The following AADAT variants were observed in gnomAD, a reference collection of about 807,000 sequenced individuals.
The protein encoded by AADAT is kynurenine/alpha-aminoadipate aminotransferase, mitochondrial.
A neutral mutation model predicts 56.2 loss-of-function variants in AADAT; 25 were observed. The ratio of observed to expected loss-of-function variants is 0.44; its 90% confidence interval spans 0.32 to 0.62. The LOEUF (loss-of-function observed/expected upper bound fraction) is 0.62, where lower values mean the gene tolerates loss of function less well. Ranked by LOEUF, AADAT falls within the 20% of genes least tolerant of loss-of-function variation. The probability of loss-of-function intolerance (pLI) is 0.04; values close to 1 mark genes in which losing one functional copy is unlikely to be tolerated. For synonymous variants in AADAT, 173 were observed against 164.7 expected, an observed-to-expected ratio of 1.05 and a Z score of -0.39; for missense variants, 387 against 510.5, an observed-to-expected ratio of 0.76 and a Z score of 2.33.
At chr4:170,064,041 T>G (rs1158710105) in intron 11 of AADAT, among the ~76,000 whole-genome samples, 1 of 152,092 alleles carries the variant, frequency 6.6e-6, no homozygotes, top group African/African-American at 2.4e-5. Flanking sequence ...TCTGTATAAT[T>G]TTAACTATGT....
intron 11 of AADAT, 71 bp downstream of exon 11, chr4:170,064,648 T>G: frequency 8.2e-7 from 1 of 1,224,320 alleles, no homozygotes. Flanking sequence ...TTCCATTCTA[T>G]TCAAGCAAAA....
intron 3 of AADAT, among the ~76,000 whole-genome samples, 194 bp downstream of exon 3, chr4:170,086,922 C>T (rs1732590300): frequency 6.6e-6 from 1 of 152,246 alleles, no homozygotes; most frequent in South Asian, 2.1e-4. Flanking sequence ...CCACCCTTGC[C>T]CATCCCCGGC....
chr4:170,064,709 C>T lies in AADAT; in HGVS notation c.1134+10G>A, dbSNP rs1330418131. The stretch of plus-strand genomic sequence containing the variant: ...CTTAGGTTTCCCAGCCCTTCACCTC[C>T]CAGTTTTACCCCCATCTTAACGGCC... On this transcript the variant is annotated intron_variant, in intron 11 of 12. Transcript: ENST00000337664. 1 of 1,588,106 alleles carries T rather than the reference C, an allele frequency of 6.3e-7. No individual in the cohort carries two copies. Among genetic ancestry groups the T allele is most frequent in the African/African-American group, 1.4e-5 (1 of 73,356 alleles).
chr4:170,060,968 G>A lies in AADAT; in HGVS notation c.1238C>T (p.Ala413Val). The A allele has an allele frequency of 6.6e-7, 1 of 1,510,498 alleles. No homozygotes were observed. The highest frequency in any genetic ancestry group is 2.2e-5 in the Admixed American group (1 of 46,078). The allele number at this position is 1,510,498 out of a possible 1,614,324, so 93.6% of individuals were successfully genotyped here. The change falls in exon 13 of 13, where the codon GCC becomes GTC. Residue 413 changes from alanine (A) to valine (V), a missense_variant and splice_region_variant. Transcript: ENST00000337664. ...SSASPEQMDV[A>V]FQVLAQLIKE... Reference sequence around the variant, plus strand: ...TATAAGTTGTGCTAATACCTGGAAGGCCTAAAACAGAAAAAAAAAATTAGA... The same window carrying A: ...TATAAGTTGTGCTAATACCTGGAAGACCTAAAACAGAAAAAAAAAATTAGA...
intron 3 of AADAT, 101 bp from the exon 4 acceptor site, chr4:170,078,684 G>A (rs1581588036): frequency 1.5e-6 from 1 of 689,464 alleles, no homozygotes. Flanking sequence ...TGGTTCTAGA[G>A]TAAGAATTAG....
intron 1 of AADAT, chr4:170,089,278 A>C (rs1482707245): frequency 2.0e-6 from 1 of 511,484 alleles, no homozygotes; most frequent in Admixed American, 2.4e-5. Context: ...TCTCCACTGT[A>C]CACCCATCTG....
rs370496377 is a variant in AADAT, at chr4:170,073,371, G to A, written c.445-26C>T. On this transcript the variant is annotated intron_variant, in intron 4 of 12. Coordinates refer to ENST00000337664, the MANE Select transcript of AADAT (RefSeq NM_016228.4). ...CTGTTGAGCACAAAAGAAAGCCTGA[G>A]TCAGTCATGATTACAAATGTAAGTG... 161 of 1,593,806 alleles carry A rather than the reference G, an allele frequency of 1.0e-4. No homozygotes were observed. In the African/African-American group the frequency reaches 2.1e-3, roughly 21 times the overall value.
intron 2 of AADAT, among the ~76,000 whole-genome samples, chr4:170,087,502 T>G (rs1288530202): frequency 6.6e-6 from 1 of 152,208 alleles, no homozygotes; most frequent in Non-Finnish European, 1.5e-5. Flanking sequence ...GAGATTTGAA[T>G]CTACATCTTT....
At chr4:170,061,032 A>G in intron 12 of AADAT, 63 bp from the exon 13 acceptor site, 1 of 1,206,888 alleles carries the variant, frequency 8.3e-7, no homozygotes. Flanking sequence ...AAACTCTGTA[A>G]TAACTTTAAA....
At chr4:170,091,722 T>C (rs567681939), upstream of AADAT, 3 of 152,410 alleles carry the variant, frequency 2.0e-5, no homozygotes, top group African/African-American at 7.2e-5. Context: ...TGGAGAACCT[T>C]TATGTCTAGC....
At chr4:170,079,999 T>G (rs549162978) in intron 3 of AADAT, among the ~76,000 whole-genome samples, 1 of 152,108 alleles carries the variant, frequency 6.6e-6, no homozygotes, top group East Asian at 1.9e-4. Context: ...AGGAGGACAC[T>G]GCAAGGAAGG....
intron 5 of AADAT, among the ~76,000 whole-genome samples, chr4:170,071,235 G>A (rs1035224103): frequency 1.6e-4 from 24 of 152,164 alleles, no homozygotes; most frequent in African/African-American, 5.5e-4. Context: ...TTTAAGTGCT[G>A]GGCAGAGCAT....
chr4:170,093,884 C>T (rs1265395043), upstream of AADAT, among the ~76,000 whole-genome samples: 7 of 152,200 alleles, frequency 4.6e-5, no homozygotes. Flanking sequence ...AGGCATGAGC[C>T]AGCGCACCTG....
intron 5 of AADAT, among the ~76,000 whole-genome samples, chr4:170,072,146 G>A (rs1454420681): frequency 2.0e-5 from 3 of 152,100 alleles, no homozygotes; most frequent in African/African-American, 7.2e-5. Flanking sequence ...AGGCTGTCTG[G>A]TGAGTATGTA....
At chr4:170,065,428 T>G (rs112649654) in intron 10 of AADAT, among the ~76,000 whole-genome samples, 9,243 of 152,236 alleles carry the variant, frequency 0.061, 383 homozygotes, top group Non-Finnish European at 0.092. Context: ...AAAAAAGAAC[T>G]TGCTGTTGAT....
At chr4:170,091,390 G>C (rs974147836), upstream of AADAT, among the ~76,000 whole-genome samples, 1 of 152,212 alleles carries the variant, frequency 6.6e-6, no homozygotes, top group Non-Finnish European at 1.5e-5. Context: ...GCTGCGGAGG[G>C]TGTGCCCAGT....
upstream of AADAT, among the ~76,000 whole-genome samples, chr4:170,093,040 G>T (rs1414691750): frequency 1.3e-5 from 1 of 76,216 alleles, no homozygotes; most frequent in Non-Finnish European, 3.0e-5. Context: ...ATTGTAACTT[G>T]TAACTAGATA....
chr4:170,070,508 C>A, intron 6 of AADAT, 79 bp downstream of exon 6: 1 of 966,252 alleles, frequency 1.0e-6, no homozygotes, highest in South Asian at 1.5e-5. Flanking sequence ...ACTCAGCAGT[C>A]AGCCTAATAC....
chr4:170,070,805 C>T (rs1410622224), intron 5 of AADAT, among the ~76,000 whole-genome samples, 153 bp from the exon 6 acceptor site: 1 of 152,158 alleles, frequency 6.6e-6, no homozygotes, highest in Non-Finnish European at 1.5e-5. Context: ...AAAAGAGGAA[C>T]AAGGCATTAA....
Sources: allele counts gnomAD v4.1 joint callset (sites outside exome capture counted in the v4.1 genomes callset), GRCh38; gene constraint gnomAD v4.1.1; transcripts MANE v1.5; gene names NCBI Gene and HGNC (gene_info 2026-07-23, HGNC 2026-07-21).